Variants in TOX observed in about 807,000 individuals in gnomAD.
The protein encoded by TOX is thymocyte selection associated high mobility group box, also known as thymocyte selection-associated high mobility group box protein TOX.
Under a neutral mutation model 53.7 loss-of-function variants are expected in TOX, and 11 were observed. The ratio of observed to expected loss-of-function variants is 0.20; its 90% CI spans 0.13 to 0.34. The LOEUF (loss-of-function observed/expected upper bound fraction) is 0.34, where lower values mean the gene tolerates loss of function less well. Among genes scored for constraint, TOX ranks in the 10% least tolerant of loss-of-function variants. The pLI is 1.00. For synonymous variants in TOX, 225 were observed against 245.3 expected, an observed-to-expected ratio of 0.92 and a Z score of 0.77; for missense variants, 570 against 664.6, an observed-to-expected ratio of 0.86 and a Z score of 1.56.
chr8:59,118,828 G>T lies in TOX; in HGVS notation c.102+58C>A. 1 of 1,405,150 alleles carries T rather than the reference G, an allele frequency of 7.1e-7. No homozygotes were observed. The allele number at this position is 1,405,150 out of a possible 1,614,324, so 87.0% of individuals were successfully genotyped here. A position where few individuals can be genotyped will look rare whatever the true frequency, so the allele number is the denominator to read the frequency against. ...GCCCCGCCGCGGCCCGGCCACCGCCGCTCCCCTCCCAGGATCAAGCAGCAA... is the reference window on the plus strand; with the variant it reads ...GCCCCGCCGCGGCCCGGCCACCGCCTCTCCCCTCCCAGGATCAAGCAGCAA... On this transcript the variant is annotated intron_variant, in intron 1 of 8. Transcript: ENST00000361421. This position sits in a 1 kb window ranked among gnomAD's most constrained non-coding sequence, Gnocchi z 4.1.
chr8:59,002,403 T>G (rs1450444257), intron 1 of TOX, among the ~76,000 whole-genome samples: 2 of 151,152 alleles, frequency 1.3e-5, no homozygotes, highest in Non-Finnish European at 3.0e-5. Context: ...CCATCCTGGC[T>G]AACACGGTGA....
intron 3 of TOX, among the ~76,000 whole-genome samples, chr8:58,865,354 A>G (rs926131026): frequency 1.3e-5 from 2 of 152,178 alleles, no homozygotes; most frequent in African/African-American, 4.8e-5. Context: ...GGATAACACA[A>G]TTTTGGTAAA....
chr8:58,879,435 C>T (rs180896639), intron 3 of TOX, among the ~76,000 whole-genome samples: 14 of 152,282 alleles, frequency 9.2e-5, no homozygotes, highest in African/African-American at 3.4e-4. Flanking sequence ...AGAAGCATTA[C>T]CACATTTCAA....
At chr8:58,841,160 T>C (rs1810635117) in intron 4 of TOX, among the ~76,000 whole-genome samples, 1 of 152,240 alleles carries the variant, frequency 6.6e-6, no homozygotes, top group Admixed American at 6.5e-5. Context: ...AACTGTTATT[T>C]GACATCTCTA....
At chr8:58,955,558 T>C (rs1038346829) in intron 2 of TOX, among the ~76,000 whole-genome samples, 5 of 152,118 alleles carry the variant, frequency 3.3e-5, no homozygotes, top group African/African-American at 1.2e-4. Context: ...CAGGAAAATC[T>C]TCTCATTCTT....
intron 1 of TOX, among the ~76,000 whole-genome samples, chr8:59,111,951 T>C (rs913917358): frequency 2.6e-5 from 4 of 152,216 alleles, no homozygotes; most frequent in Non-Finnish European, 4.4e-5. Flanking sequence ...ATAGTGACCC[T>C]GGTTTCATGA....
chr8:58,939,179 G>T, intron 3 of TOX, 123 bp downstream of exon 3: 1 of 1,250,536 alleles, frequency 8.0e-7, no homozygotes, highest in Non-Finnish European at 1.1e-6. Flanking sequence ...ATAAATAACT[G>T]TCTCCACAGC....
intron 3 of TOX, among the ~76,000 whole-genome samples, chr8:58,889,330 C>A (rs1811523997): frequency 6.9e-6 from 1 of 144,324 alleles, no homozygotes; most frequent in Non-Finnish European, 1.5e-5. Flanking sequence ...ATTAAAAAAA[C>A]AATAAAGCAG....
At chr8:58,897,681 G>A (rs1292549817) in intron 3 of TOX, among the ~76,000 whole-genome samples, 2 of 147,886 alleles carry the variant, frequency 1.4e-5, no homozygotes, top group Admixed American at 6.8e-5. Flanking sequence ...CTGTAGAAGT[G>A]GGATTTCATT....
At chr8:58,868,300 T>C (rs1485965819) in intron 3 of TOX, among the ~76,000 whole-genome samples, 1 of 152,186 alleles carries the variant, frequency 6.6e-6, no homozygotes, top group Non-Finnish European at 1.5e-5. Context: ...ATGTCTTTAT[T>C]AGCAGCATGC....
chr8:58,979,550 A>G (rs1183958459), intron 1 of TOX, among the ~76,000 whole-genome samples: 4 of 152,222 alleles, frequency 2.6e-5, no homozygotes, highest in Non-Finnish European at 4.4e-5. Context: ...TAATTTTTCA[A>G]TATTTCCAGA....
In TOX at chr8:59,094,747, T is replaced by C. The variant is rs1217703132; in HGVS notation, c.102+24139A>G. Among the ~76,000 whole-genome samples the C allele has an allele frequency of 2.6e-5, 4 of 152,302 alleles. No homozygotes were observed. The South Asian group carries it at 8.3e-4, about 32-fold the overall frequency. The stretch of plus-strand genomic sequence containing the variant: ...GCAAACCCGCAGACCGCACTGTTAA[T>C]GGGTTTGACATTTCTGAAGAATGAG... On this transcript the variant is annotated intron_variant, in intron 1 of 8. Coordinates refer to ENST00000361421, the MANE Select transcript of TOX (RefSeq NM_014729.3).
intron 1 of TOX, among the ~76,000 whole-genome samples, chr8:59,025,741 A>T (rs1814223722): frequency 6.6e-6 from 1 of 152,096 alleles, no homozygotes; most frequent in Non-Finnish European, 1.5e-5. Flanking sequence ...TTCCCCAGGC[A>T]GATGGTTCGC....
rs80096153 is a variant in TOX at position 58,836,136 on chromosome 8, G to A, written c.924+1945C>T. ...CTTACTGGAGGAGACAGCGAGCTAT[G>A]TCTTCATATGTGGCGTCATGGGTGG... On this transcript the variant is annotated intron_variant, in intron 5 of 8. Transcript: ENST00000361421. Among the ~76,000 whole-genome samples, 136 of 152,328 alleles carry A rather than the reference G, an allele frequency of 8.9e-4. 1 individual carries two copies. The highest frequency in any genetic ancestry group is 3.1e-3 in the African/African-American group (130 of 41,574).
At chr8:58,936,761 T>C (rs1159377318) in intron 3 of TOX, among the ~76,000 whole-genome samples, 2 of 152,194 alleles carry the variant, frequency 1.3e-5, no homozygotes, top group African/African-American at 4.8e-5. Context: ...CTCCAAATCT[T>C]CTTTCTCTGA....
At chr8:59,098,265 A>T (rs1804747698) in intron 1 of TOX, among the ~76,000 whole-genome samples, 2 of 152,156 alleles carry the variant, frequency 1.3e-5, no homozygotes, top group Admixed American at 1.3e-4. Flanking sequence ...TAAAGCATTG[A>T]CCTATGAATT....
At chr8:59,092,599 A>G (rs1182973845) in intron 1 of TOX, among the ~76,000 whole-genome samples, 1 of 151,736 alleles carries the variant, frequency 6.6e-6, no homozygotes, top group African/African-American at 2.4e-5. Context: ...AACGTAACTC[A>G]AGAGGAAGGA....
chr8:58,884,409 C>A (rs184072840), intron 3 of TOX, among the ~76,000 whole-genome samples: 107 of 152,166 alleles, frequency 7.0e-4, no homozygotes, highest in Non-Finnish European at 3.5e-4. Context: ...TCCAATGGGA[C>A]CTGACAAGTT....
chr8:58,986,379 G>C (rs1367205594), intron 1 of TOX, among the ~76,000 whole-genome samples: 1 of 152,198 alleles, frequency 6.6e-6, no homozygotes, highest in African/African-American at 2.4e-5. Context: ...TGAAACTGAA[G>C]CCACGGAAAA....
Sources: allele counts gnomAD v4.1 joint callset (sites outside exome capture counted in the v4.1 genomes callset), GRCh38; gene constraint gnomAD v4.1.1; non-coding constraint Gnocchi (gnomAD v3.1); transcripts MANE v1.5; gene names NCBI Gene and HGNC (gene_info 2026-07-23, HGNC 2026-07-21).